Variants in CAMSAP1 observed in about 807,000 individuals in gnomAD.
CAMSAP1 encodes calmodulin-regulated spectrin-associated protein 1.
A neutral mutation model predicts 143.5 loss-of-function variants in CAMSAP1; 58 were observed. That is an observed-to-expected ratio of 0.40 (90% CI 0.33 to 0.50). CAMSAP1 has a LOEUF of 0.50. Ranked by LOEUF, CAMSAP1 falls within the 20% of genes least tolerant of loss-of-function variation. CAMSAP1 has a pLI of 0.45. For synonymous variants in CAMSAP1, 945 were observed against 859.3 expected (o/e 1.10, Z -1.74); for missense variants, 1,969 against 2,115.7 (o/e 0.93, Z 1.36).
chr9:135,898,594 A>T lies in CAMSAP1; in HGVS notation c.160+8406T>A, dbSNP rs562965427. On this transcript the variant is annotated intron_variant, in intron 1 of 16. Transcript: ENST00000389532. ...TTTAAGATACTTCATAGAAAAAGGT[A>T]CTCGAATGGCCAATAAGCATATAAA... Among the ~76,000 whole-genome samples the T allele has an allele frequency of 9.2e-5, 14 of 152,282 alleles. No individual in the cohort carries two copies. In the South Asian group the frequency reaches 2.9e-3, roughly 32 times the overall value.
At chr9:135,900,490 G>A (rs571287686) in intron 1 of CAMSAP1, among the ~76,000 whole-genome samples, 5 of 151,978 alleles carry the variant, frequency 3.3e-5, no homozygotes, top group East Asian at 2.0e-4. Flanking sequence ...TCAGGAGATC[G>A]AGACCATCCC....
At chr9:135,880,170 G>A (rs911758326) in intron 3 of CAMSAP1, among the ~76,000 whole-genome samples, 16 of 152,162 alleles carry the variant, frequency 1.1e-4, no homozygotes, top group African/African-American at 3.9e-4. Context: ...TTGATCACAG[G>A]AAGCTTCCAC....
intron 3 of CAMSAP1, among the ~76,000 whole-genome samples, chr9:135,880,859 T>C (rs750900819): frequency 1.3e-5 from 2 of 152,180 alleles, no homozygotes; most frequent in South Asian, 4.1e-4. Context: ...TATAAATCAT[T>C]AGACACTACT....
At chr9:135,851,485 G>T (rs753927236) in intron 5 of CAMSAP1, among the ~76,000 whole-genome samples, 6 of 152,210 alleles carry the variant, frequency 3.9e-5, no homozygotes, top group African/African-American at 1.4e-4. Flanking sequence ...AAATGTTAAC[G>T]TCTTATAGGC....
At chr9:135,855,260 G>A (rs1390440529) in intron 5 of CAMSAP1, among the ~76,000 whole-genome samples, 11 of 152,030 alleles carry the variant, frequency 7.2e-5, no homozygotes, top group Admixed American at 6.5e-4. Context: ...CCAAAGGGCT[G>A]GGATTACAGG....
chr9:135,827,911 T>G (rs1288286638), intron 7 of CAMSAP1, among the ~76,000 whole-genome samples: 1 of 152,222 alleles, frequency 6.6e-6, no homozygotes, highest in Non-Finnish European at 1.5e-5. Flanking sequence ...CAAAACCACG[T>G]GCCACCTTCA....
chr9:135,814,423 A>G (rs1444276004), intron 16 of CAMSAP1, among the ~76,000 whole-genome samples: 1 of 152,086 alleles, frequency 6.6e-6, no homozygotes, highest in Non-Finnish European at 1.5e-5. Context: ...AAGGCCACAC[A>G]CCAGCCTCAA....
intron 1 of CAMSAP1, among the ~76,000 whole-genome samples, chr9:135,899,449 G>A (rs1329296150): frequency 6.7e-6 from 1 of 148,492 alleles, no homozygotes; most frequent in Non-Finnish European, 1.5e-5. Context: ...CAAAACAAAA[G>A]TCTTCACTTT....
intron 15 of CAMSAP1, among the ~76,000 whole-genome samples, 154 bp from the exon 16 acceptor site, chr9:135,815,369 T>C (rs1307540767): frequency 2.0e-5 from 3 of 152,224 alleles, no homozygotes; most frequent in Admixed American, 6.5e-5. Context: ...ACCACTTAAA[T>C]TTATTCAAAA....
chr9:135,881,586 C>T (rs771723638), intron 3 of CAMSAP1, 47 bp downstream of exon 3: 69 of 1,544,944 alleles, frequency 4.5e-5, no homozygotes, highest in Admixed American at 5.9e-5. Flanking sequence ...AAAAGGAGAC[C>T]GGCCACAGAA....
rs373365260 is a variant in CAMSAP1 at position 135,901,096 on chromosome 9, G to A, written c.160+5904C>T. Among the ~76,000 whole-genome samples the A allele has an allele frequency of 2.0e-5, 3 of 152,284 alleles. No homozygotes were observed. The South Asian group carries it at 6.2e-4, about 32-fold the overall frequency. On this transcript the variant is annotated intron_variant, in intron 1 of 16. Transcript: ENST00000389532. The stretch of plus-strand genomic sequence containing the variant: ...AGTGACAACAAAAGTTATGAAAGTA[G>A]AAAAATGCTATGAAATAATGACTAA...
intron 3 of CAMSAP1, among the ~76,000 whole-genome samples, chr9:135,875,342 T>C (rs1237860308): frequency 6.6e-6 from 1 of 151,908 alleles, no homozygotes; most frequent in African/African-American, 2.4e-5. Context: ...CCCAAGCAGC[T>C]GGGATTACAG....
rs151089736 is a variant in CAMSAP1, at chr9:135,857,039, G to A, written c.808+5428C>T. On this transcript the variant is annotated intron_variant, in intron 5 of 16. Coordinates refer to ENST00000389532, the MANE Select transcript of CAMSAP1 (RefSeq NM_015447.4). ...GAATCTGGTGTCATTGGGGCTGCCT[G>A]CTTGTGTGTAACCTGCTTGGTCTCT... 1.5e-3 allele frequency among the ~76,000 whole-genome samples: 224 copies of A among 152,314 alleles called. 4 individuals are homozygous for A. Among genetic ancestry groups the A allele is most frequent in the Non-Finnish European group, 9.0e-4 (61 of 68,036 alleles).
chr9:135,830,248 C>G (rs1269926459), intron 7 of CAMSAP1, among the ~76,000 whole-genome samples: 1 of 152,174 alleles, frequency 6.6e-6, no homozygotes, highest in Non-Finnish European at 1.5e-5. Context: ...GGATTCAACT[C>G]ACTAATCAAA....
At chr9:135,885,331 G>C (rs1838088852) in intron 1 of CAMSAP1, among the ~76,000 whole-genome samples, 1 of 152,160 alleles carries the variant, frequency 6.6e-6, no homozygotes, top group Non-Finnish European at 1.5e-5. Context: ...GTAGATGTCT[G>C]GGGGCACCTC....
At chr9:135,904,124 T>C (rs112502380) in intron 1 of CAMSAP1, among the ~76,000 whole-genome samples, 3,260 of 152,254 alleles carry the variant, frequency 0.021, 127 homozygotes, top group African/African-American at 0.073. Context: ...TCCTAGCACT[T>C]TGGGAGGCCG....
chr9:135,872,964 G>A (rs1221413211), intron 3 of CAMSAP1, among the ~76,000 whole-genome samples: 1 of 152,172 alleles, frequency 6.6e-6, no homozygotes, highest in African/African-American at 2.4e-5. Context: ...AAACGGTAAA[G>A]GAGACACAAA....
intron 1 of CAMSAP1, among the ~76,000 whole-genome samples, chr9:135,887,332 G>C (rs922952904): frequency 2.0e-5 from 3 of 152,192 alleles, no homozygotes; most frequent in Admixed American, 6.5e-5. Context: ...GAAGACCACA[G>C]AGCCCGCCGG....
chr9:135,813,492 C>T (rs1835124592), intron 16 of CAMSAP1, among the ~76,000 whole-genome samples: 1 of 152,116 alleles, frequency 6.6e-6, no homozygotes, highest in Non-Finnish European at 1.5e-5. Context: ...GAATTAGATG[C>T]CAAAAAGAAA....
Sources: allele counts gnomAD v4.1 joint callset (sites outside exome capture counted in the v4.1 genomes callset), GRCh38; gene constraint gnomAD v4.1.1; transcripts MANE v1.5; gene names NCBI Gene and HGNC (gene_info 2026-07-23, HGNC 2026-07-21).